GHR: variants seen among roughly 807,000 people sequenced by gnomAD.
GHR encodes the protein GH receptor.
Under a neutral mutation model 67.1 loss-of-function variants are expected in GHR, and 35 were observed. That is an observed-to-expected ratio of 0.52 (90% CI 0.40 to 0.69). GHR has a LOEUF of 0.69. Ranked by LOEUF, GHR falls within the 30% of genes least tolerant of loss-of-function variation. The pLI, the probability that GHR is intolerant of heterozygous loss-of-function variation, is 0.00. For synonymous variants in GHR, 272 were observed against 269.1 expected (o/e 1.01, Z -0.10); for missense variants, 792 against 764.6 (o/e 1.04, Z -0.42).
intron 2 of GHR, among the ~76,000 whole-genome samples, chr5:42,623,495 C>A (rs940952803): frequency 3.3e-5 from 5 of 152,180 alleles, no homozygotes; most frequent in Admixed American, 6.5e-5. Flanking sequence ...TCTTTACATG[C>A]CCAGGCTGTG....
intron 6 of GHR, among the ~76,000 whole-genome samples, chr5:42,708,438 A>G (rs1758288293): frequency 6.6e-6 from 1 of 152,140 alleles, no homozygotes; most frequent in African/African-American, 2.4e-5. Context: ...GGAAAGTACA[A>G]TAATTTTTAT....
intron 1 of GHR, among the ~76,000 whole-genome samples, chr5:42,457,344 A>T (rs916824758): frequency 2.0e-5 from 3 of 152,184 alleles, no homozygotes; most frequent in Admixed American, 2.0e-4. Context: ...GCCTTGTTAA[A>T]TTTTAAAAAG....
intron 1 of GHR, among the ~76,000 whole-genome samples, chr5:42,534,579 G>T (rs1748173092): frequency 1.3e-5 from 2 of 151,650 alleles, no homozygotes; most frequent in South Asian, 2.1e-4. Flanking sequence ...TGAGCATTTG[G>T]GTTGGTTCCA....
chr5:42,554,897 A>G (rs1749225806), intron 1 of GHR, among the ~76,000 whole-genome samples: 1 of 152,204 alleles, frequency 6.6e-6, no homozygotes, highest in Admixed American at 6.5e-5. Context: ...ATTTACAACT[A>G]TGTATGTGGT....
chr5:42,601,342 A>G (rs1489083014), intron 2 of GHR, among the ~76,000 whole-genome samples: 1 of 152,142 alleles, frequency 6.6e-6, no homozygotes, highest in Non-Finnish European at 1.5e-5. Flanking sequence ...ACAATGAATA[A>G]TCAGATGTCT....
chr5:42,641,955 C>T (rs1456783528), intron 3 of GHR, among the ~76,000 whole-genome samples: 16 of 152,052 alleles, frequency 1.1e-4, no homozygotes, highest in Non-Finnish European at 2.9e-5. Context: ...TGCCTGGCTC[C>T]TCTTGGAAAA....
chr5:42,547,835 C>T (rs1748807212), intron 1 of GHR, among the ~76,000 whole-genome samples: 1 of 136,110 alleles, frequency 7.3e-6, no homozygotes, highest in South Asian at 2.1e-4. Flanking sequence ...AATTCATTTA[C>T]TCATTAATTT....
At chr5:42,426,437 G>C (rs2111865330) in intron 1 of GHR, among the ~76,000 whole-genome samples, 1 of 152,330 alleles carries the variant, frequency 6.6e-6, no homozygotes, top group East Asian at 1.9e-4. Context: ...CTGCTAACCT[G>C]AAGATTACAC....
At chr5:42,536,121 T>C (rs1748246712) in intron 1 of GHR, among the ~76,000 whole-genome samples, 1 of 152,158 alleles carries the variant, frequency 6.6e-6, no homozygotes, top group African/African-American at 2.4e-5. Context: ...AGTGACAGTT[T>C]GACTTCCTTT....
chr5:42,489,764 C>A (rs1338295414), intron 1 of GHR, among the ~76,000 whole-genome samples: 1 of 152,072 alleles, frequency 6.6e-6, no homozygotes, highest in East Asian at 1.9e-4. Flanking sequence ...ATTTCTTTTG[C>A]TCCAAATCCA....
chr5:42,704,970 A>G (rs965157796), intron 6 of GHR, among the ~76,000 whole-genome samples: 2 of 152,018 alleles, frequency 1.3e-5, no homozygotes, highest in African/African-American at 4.8e-5. Flanking sequence ...AACTTGTTTC[A>G]TTAATCTTTT....
At chr5:42,637,630 G>C (rs1754266097) in intron 3 of GHR, among the ~76,000 whole-genome samples, 1 of 152,232 alleles carries the variant, frequency 6.6e-6, no homozygotes, top group African/African-American at 2.4e-5. Flanking sequence ...CAAAGGACAT[G>C]ATTTTGTTCT....
intron 1 of GHR, among the ~76,000 whole-genome samples, chr5:42,430,607 C>CGTGT (rs141602161): frequency 0.12 from 17,103 of 147,154 alleles, 1,126 homozygotes; most frequent in African/African-American, 0.17. Context: ...ATGCTAGTCC[C>CGTGT]GTGTGTGTGT....
intron 3 of GHR, among the ~76,000 whole-genome samples, chr5:42,657,062 G>A (rs955541654): frequency 2.6e-5 from 4 of 151,988 alleles, no homozygotes; most frequent in Admixed American, 1.3e-4. Flanking sequence ...ATCAACCTTC[G>A]TTCATTTTCT....
intron 1 of GHR, among the ~76,000 whole-genome samples, chr5:42,535,385 A>G (rs181666479): frequency 2.0e-5 from 3 of 152,226 alleles, no homozygotes; most frequent in East Asian, 1.9e-4. Flanking sequence ...TGACTAGCCA[A>G]TTATCCAAGC....
At chr5:42,637,723 A>C (rs1157078326) in intron 3 of GHR, among the ~76,000 whole-genome samples, 1 of 151,990 alleles carries the variant, frequency 6.6e-6, no homozygotes, top group African/African-American at 2.4e-5. Flanking sequence ...ATCTAGGTTG[A>C]TTTTATGTTT....
chr5:42,424,409 G>T lies in GHR; in HGVS notation c.-12+454G>T. On this transcript the variant is annotated intron_variant, in intron 1 of 9. Transcript: ENST00000230882. The surrounding 1 kb of genome is among the most constrained non-coding windows in gnomAD (Gnocchi z 4.1). ...GCCTGGCTGCGGCAGGAACTGCCGA[G>T]GCTGCTGCTGTTGCGCGGGGAAGAA... The T allele has an allele frequency of 1.6e-6, 1 of 607,404 alleles. No individual in the cohort carries two copies. Among genetic ancestry groups the T allele is most frequent in the South Asian group, 1.9e-5 (1 of 51,762 alleles). The allele number at this position is 607,404 out of a possible 1,614,324, so 37.6% of individuals were successfully genotyped here. A position where few individuals can be genotyped will look rare whatever the true frequency, so the allele number is the denominator to read the frequency against.
chr5:42,574,203 G>A (rs1750507952), intron 2 of GHR, among the ~76,000 whole-genome samples: 1 of 152,238 alleles, frequency 6.6e-6, no homozygotes, highest in African/African-American at 2.4e-5. Flanking sequence ...GAGGAATAGG[G>A]AAACAGGAGA....
At chr5:42,426,485 G>C (rs2111865515) in intron 1 of GHR, among the ~76,000 whole-genome samples, 1 of 152,198 alleles carries the variant, frequency 6.6e-6, no homozygotes, top group South Asian at 2.1e-4. Flanking sequence ...CACAACTATG[G>C]GAATTTGGTT....
Sources: gnomAD v4.1 joint callset for allele counts (sites outside exome capture counted in the v4.1 genomes callset) on GRCh38, gnomAD v4.1.1 for gene constraint, Gnocchi (gnomAD v3.1) non-coding constraint, MANE v1.5 for transcripts, NCBI Gene and HGNC (gene_info 2026-07-23, HGNC 2026-07-21) for gene names.